Variants in DGKD observed in about 807,000 individuals in gnomAD.
The protein encoded by DGKD is diacylglycerol kinase delta.
A neutral mutation model predicts 154.4 loss-of-function variants in DGKD; 68 were observed. The observed-to-expected ratio is 0.44, with a 90% CI of 0.36 to 0.54. DGKD has a LOEUF of 0.54. Among genes scored for constraint, DGKD ranks in the 20% least tolerant of loss-of-function variants. The pLI is 0.00. For synonymous variants in DGKD, 693 were observed against 638.0 expected, an observed-to-expected ratio of 1.09 and a Z score of -1.30; for missense variants, 1,343 against 1,593.6, an observed-to-expected ratio of 0.84 and a Z score of 2.68.
chr2:233,355,234 A>G (rs1271182718), intron 1 of DGKD, among the ~76,000 whole-genome samples: 1 of 152,168 alleles, frequency 6.6e-6, no homozygotes, highest in Non-Finnish European at 1.5e-5. Flanking sequence ...ATGCGCGTTC[A>G]GTGACCGTCT....
chr2:233,438,241 C>T lies in DGKD; in HGVS notation c.947C>T (p.Pro316Leu). 6.2e-7 allele frequency: 1 copy of T among 1,614,136 alleles called. No homozygotes were observed. The highest frequency in any genetic ancestry group is 8.5e-7 in the Non-Finnish European group (1 of 1,180,010). ...SDGFWKASCP[P>L]SCTSPLLVFV... ...GGGTTCTGGAAGGCCAGCTGTCCTCCTTCTTGCACAAGCCCACTGTTGGTC... is the reference window on the plus strand; with the variant it reads ...GGGTTCTGGAAGGCCAGCTGTCCTCTTTCTTGCACAAGCCCACTGTTGGTC... The change falls in exon 9 of 30, where the codon CCT becomes CTT. Residue 316 changes from proline (P) to leucine (L), a missense_variant. By Grantham distance (98) the Pro-to-Leu change is moderately conservative. Coordinates refer to ENST00000264057, the MANE Select transcript of DGKD (RefSeq NM_152879.3). This position sits in a 1 kb window ranked among gnomAD's most constrained non-coding sequence, Gnocchi z 4.1.
chr2:233,442,064 C>G, intron 10 of DGKD, 69 bp downstream of exon 10: 1 of 1,320,088 alleles, frequency 7.6e-7, no homozygotes, highest in Non-Finnish European at 1.1e-6. Context: ...ATCATGCAGT[C>G]TCAGCTCCTG....
chr2:233,423,204 G>A (rs2062178287), intron 3 of DGKD, among the ~76,000 whole-genome samples: 1 of 152,176 alleles, frequency 6.6e-6, no homozygotes, highest in Non-Finnish European at 1.5e-5. Flanking sequence ...CATGAATAAA[G>A]CTGCTGTAAA....
chr2:233,372,117 G>A (rs1345382896), intron 1 of DGKD, among the ~76,000 whole-genome samples: 1 of 152,040 alleles, frequency 6.6e-6, no homozygotes, highest in Non-Finnish European at 1.5e-5. Context: ...TACCTCCCGA[G>A]CTCAAGTGAT....
chr2:233,467,266 C>T, intron 28 of DGKD, 63 bp downstream of exon 28: 1 of 1,188,340 alleles, frequency 8.4e-7, no homozygotes, highest in East Asian at 2.3e-5. Context: ...GCCCCGTTCC[C>T]CTGGTCTCTG....
chr2:233,469,466 G>C lies in DGKD; in HGVS notation c.*6G>C. The C allele has an allele frequency of 6.3e-7, 1 of 1,591,348 alleles. No individual in the cohort carries two copies. The highest frequency in any genetic ancestry group is 8.5e-7 in the Non-Finnish European group (1 of 1,169,950). The stretch of plus-strand genomic sequence containing the variant: ...CCCCCGCCGTCGAGGCCTAGCCTCT[G>C]TCCTCTCAGCCTGTGGCCTCCACAT... On this transcript the variant is annotated 3_prime_UTR_variant, in exon 30 of 30. Coordinates refer to ENST00000264057, the MANE Select transcript of DGKD (RefSeq NM_152879.3).
chr2:233,468,229 TGGCTGCTGGGCTATCTCGGGTGCC>T (rs560362483), intron 28 of DGKD, among the ~76,000 whole-genome samples, 170 bp from the exon 29 acceptor site: 6,046 of 145,088 alleles, frequency 0.042, 321 homozygotes, highest in African/African-American at 0.12. Flanking sequence ...TCTCAGGCAC[TGGCTGCTGGGCTATCTCGGGTGCC>T]GGCTGCTGGG....
intron 3 of DGKD, among the ~76,000 whole-genome samples, chr2:233,433,118 G>A (rs2062583975): frequency 6.6e-6 from 1 of 152,182 alleles, no homozygotes; most frequent in Non-Finnish European, 1.5e-5. Context: ...GGAAATCAGT[G>A]TATCGAAGAG....
At position 233,433,470 on chromosome 2, in the gene DGKD, T is replaced by C. The variant is rs572189771; in HGVS notation, c.349-910T>C. Among the ~76,000 whole-genome samples, 27 of 152,092 alleles carry C rather than the reference T, an allele frequency of 1.8e-4. No homozygotes were observed. In the East Asian group the frequency reaches 4.2e-3, roughly 24 times the overall value. On this transcript the variant is annotated intron_variant, in intron 3 of 29. Coordinates refer to ENST00000264057, the MANE Select transcript of DGKD (RefSeq NM_152879.3). Reference sequence around the variant, plus strand: ...GGGAAGGGTAGTGGGGCTGGGGGGATGGTTAATAGGTACAAAAATGTAGTT... The same window carrying C: ...GGGAAGGGTAGTGGGGCTGGGGGGACGGTTAATAGGTACAAAAATGTAGTT...
Position 233,451,813 on chromosome 2 carries a change from C to G in DGKD, c.2168-151C>G, listed in dbSNP as rs544568769. ...GTGATTTTTGACCTAAGACTATTGGCAAAATTTGGACATGGTTATACATAA... is the reference window on the plus strand; with the variant it reads ...GTGATTTTTGACCTAAGACTATTGGGAAAATTTGGACATGGTTATACATAA... On this transcript the variant is annotated intron_variant, in intron 17 of 29. Coordinates refer to ENST00000264057, the MANE Select transcript of DGKD (RefSeq NM_152879.3). 4.9e-5 allele frequency: 32 copies of G among 655,982 alleles called. No homozygotes were observed. The East Asian group carries it at 8.8e-4, about 18-fold the overall frequency. 40.6% of individuals were successfully genotyped at this position (655,982 alleles called of 1,614,324 possible).
At position 233,457,541 on chromosome 2, in the gene DGKD, G is replaced by GGGTCTGT; in HGVS notation, c.2580+218_2580+224dup. ...TTGTGTCAGTGAAGGTGGTCAGTGA[G>GGGTCTGT]GGTCTGTGGTCAGCAGATGTGGTCA... On this transcript the variant is annotated intron_variant, in intron 21 of 29. Transcript: ENST00000264057. This position sits in a 1 kb window ranked among gnomAD's most constrained non-coding sequence, Gnocchi z 5.5. 1.5e-6 allele frequency: 1 copy of GGGTCTGT among 664,160 alleles called. No homozygotes were observed. The highest frequency in any genetic ancestry group is 2.8e-6 in the Non-Finnish European group (1 of 359,660). The allele number at this position is 664,160 out of a possible 1,614,324, so 41.1% of individuals were successfully genotyped here. A position where few individuals can be genotyped will look rare whatever the true frequency, so the allele number is the denominator to read the frequency against.
intron 9 of DGKD, among the ~76,000 whole-genome samples, chr2:233,439,161 C>T (rs982170633): frequency 2.6e-5 from 4 of 152,234 alleles, no homozygotes; most frequent in African/African-American, 9.6e-5. Flanking sequence ...CAGGTCGGAG[C>T]TCTAAGAGGA....
At chr2:233,361,212 C>T (rs200885672) in intron 1 of DGKD, among the ~76,000 whole-genome samples, 1 of 152,102 alleles carries the variant, frequency 6.6e-6, no homozygotes, top group African/African-American at 2.4e-5. Context: ...GATTGGGATC[C>T]AAAGAAGCCA....
At chr2:233,398,771 C>CCCG (rs2061485658) in intron 3 of DGKD, among the ~76,000 whole-genome samples, 1 of 152,034 alleles carries the variant, frequency 6.6e-6, no homozygotes, top group Non-Finnish European at 1.5e-5. Context: ...ATTACAGGCT[C>CCCG]CCGCCACCAC....
chr2:233,383,852 C>T (rs191056392), intron 1 of DGKD, among the ~76,000 whole-genome samples: 9 of 152,226 alleles, frequency 5.9e-5, no homozygotes, highest in African/African-American at 1.7e-4. Context: ...TATTTACTTA[C>T]GGGAATATCC....
At chr2:233,469,320 C>CT in intron 29 of DGKD, 51 bp from the exon 30 acceptor site, 1 of 1,527,404 alleles carries the variant, frequency 6.5e-7, no homozygotes, top group South Asian at 1.2e-5. Context: ...GTGGAGCCCT[C>CT]TGGCCCTGGC....
intron 2 of DGKD, 28 bp from the exon 3 acceptor site, chr2:233,390,375 C>T (rs1044862685): frequency 1.9e-6 from 3 of 1,597,536 alleles, no homozygotes; most frequent in Non-Finnish European, 2.6e-6. Flanking sequence ...CTTTATGTGC[C>T]TTAGTCCCTG....
chr2:233,450,734 A>G (rs2124874085), intron 16 of DGKD, among the ~76,000 whole-genome samples, 188 bp from the exon 17 acceptor site: 1 of 151,920 alleles, frequency 6.6e-6, no homozygotes, highest in Middle Eastern at 3.4e-3. Flanking sequence ...CCATGAGCCC[A>G]GCCCCCCAAA....
At chr2:233,365,364 G>A (rs1166904401) in intron 1 of DGKD, among the ~76,000 whole-genome samples, 1 of 151,998 alleles carries the variant, frequency 6.6e-6, no homozygotes, top group Non-Finnish European at 1.5e-5. Flanking sequence ...CAGAGTAGCT[G>A]CGACTACAGG....
Sources: allele counts gnomAD v4.1 joint callset (sites outside exome capture counted in the v4.1 genomes callset), GRCh38; gene constraint gnomAD v4.1.1; non-coding constraint Gnocchi (gnomAD v3.1); transcripts MANE v1.5; gene names NCBI Gene and HGNC (gene_info 2026-07-23, HGNC 2026-07-21).